CCDC141: variants seen among roughly 807,000 people sequenced by gnomAD.
CCDC141 encodes the protein coiled-coil domain-containing protein 141.
CCDC141 carries 168 observed loss-of-function variants against 181.0 expected under a neutral mutation model. The ratio of observed to expected loss-of-function variants is 0.93; its 90% confidence interval spans 0.82 to 1.05. The LOEUF is 1.05. Among genes scored for constraint, CCDC141 ranks in the 50% least tolerant of loss-of-function variants. The probability of loss-of-function intolerance (pLI) is 0.00; values close to 1 mark genes in which losing one functional copy is unlikely to be tolerated. For synonymous variants in CCDC141, 666 were observed against 642.3 expected (o/e 1.04, Z -0.56); for missense variants, 1,902 against 1,788.5 (o/e 1.06, Z -1.14).
intron 2 of CCDC141, among the ~76,000 whole-genome samples, chr2:179,018,590 T>C (rs1281348443): frequency 2.6e-5 from 4 of 152,198 alleles, no homozygotes; most frequent in African/African-American, 9.6e-5. Context: ...CCTGTGAGCC[T>C]TCAAGTCCCA....
chr2:178,914,187 G>A (rs1004626802), intron 7 of CCDC141, among the ~76,000 whole-genome samples: 4 of 152,084 alleles, frequency 2.6e-5, no homozygotes, highest in African/African-American at 9.7e-5. Flanking sequence ...CATATTTCAT[G>A]CCATGTTCTC....
At position 178,830,868 on chromosome 2, in the gene CCDC141, G is replaced by C. The variant is rs1684220243; in HGVS notation, c.*3305C>G. 1 of 152,224 alleles carries C rather than the reference G, an allele frequency of 6.6e-6. No individual in the cohort carries two copies. Among genetic ancestry groups the C allele is most frequent in the Non-Finnish European group, 1.5e-5 (1 of 68,086 alleles). The allele number at this position is 152,224 out of a possible 1,614,324, so 9.4% of individuals were successfully genotyped here. A position where few individuals can be genotyped will look rare whatever the true frequency, so the allele number is the denominator to read the frequency against. On this transcript the variant is annotated 3_prime_UTR_variant, in exon 24 of 24. Coordinates refer to ENST00000443758, the MANE Select transcript of CCDC141 (RefSeq NM_173648.4). ...ATAGTAAGAGAGTTATAGGAAGAAA[G>C]GGCTGGAGAGAAGAGCATGATATGT... is the stretch of plus-strand genomic sequence containing the variant.
chr2:178,815,071 C>G, the CCDC141 span, among the ~76,000 whole-genome samples: 3 of 152,090 alleles, frequency 2.0e-5, no homozygotes, highest in Admixed American at 6.6e-5. Context: ...GCTCTGTTGG[C>G]ACTTTAATCT....
At chr2:178,929,090 C>T (rs989990765) in intron 6 of CCDC141, among the ~76,000 whole-genome samples, 4 of 152,136 alleles carry the variant, frequency 2.6e-5, no homozygotes, top group African/African-American at 9.7e-5. Flanking sequence ...GTGTCTTACT[C>T]TTTGGAGAAC....
chr2:178,989,603 A>ATAGAT (rs751550367), intron 2 of CCDC141, among the ~76,000 whole-genome samples: 1 of 108,018 alleles, frequency 9.3e-6, no homozygotes, highest in Non-Finnish European at 1.9e-5. Flanking sequence ...CAAAAAAAAA[A>ATAGAT]AAAAATAAAT....
At chr2:178,936,751 T>G (rs547784757) in intron 6 of CCDC141, among the ~76,000 whole-genome samples, 187 of 152,286 alleles carry the variant, frequency 1.2e-3, no homozygotes, top group African/African-American at 4.4e-3. Flanking sequence ...TCCATTTGTT[T>G]GTGTCTTCTG....
chr2:178,869,127 A>G lies in CCDC141; in HGVS notation c.2384T>C (p.Val795Ala). 6.3e-7 allele frequency: 1 copy of G among 1,581,068 alleles called. No individual in the cohort carries two copies. The highest frequency in any genetic ancestry group is 8.6e-7 in the Non-Finnish European group (1 of 1,168,300). ...CCTTCTAAGCCTTACCTCTTCCTTGACTTGATGGAACTGGACCACCTTGTA... is the reference window on the plus strand; with the variant it reads ...CCTTCTAAGCCTTACCTCTTCCTTGGCTTGATGGAACTGGACCACCTTGTA... ...ILYKVVQFHQ[V>A]KEELGRLIKS... The change falls in exon 15 of 24, where the codon GTC becomes GCC. Residue 795 changes from valine to alanine, a missense_variant. By Grantham distance (64) the Val-to-Ala change is moderately conservative. Coordinates refer to ENST00000443758, the MANE Select transcript of CCDC141 (RefSeq NM_173648.4).
intron 12 of CCDC141, among the ~76,000 whole-genome samples, 194 bp from the exon 13 acceptor site, chr2:178,872,506 C>CG (rs1558944463): frequency 6.6e-6 from 1 of 152,114 alleles, no homozygotes; most frequent in Non-Finnish European, 1.5e-5. Flanking sequence ...CTTAGACATC[C>CG]GGTCCCGAGT....
intron 4 of CCDC141, among the ~76,000 whole-genome samples, chr2:178,963,592 T>C (rs1180257983): frequency 6.6e-6 from 1 of 152,132 alleles, no homozygotes; most frequent in Non-Finnish European, 1.5e-5. Context: ...CATTATAACT[T>C]TTGGCAGTTT....
rs200641473 is a variant in CCDC141 at position 178,854,396 on chromosome 2, C to T, written c.3061-772G>A. ...AAAAGTAGCCGGGCGTGGTGGTGGG[C>T]GCCTGTAGTCCCAGCTACTCGGGAG... On this transcript the variant is annotated intron_variant, in intron 19 of 23. Coordinates refer to ENST00000443758, the MANE Select transcript of CCDC141 (RefSeq NM_173648.4). Among the ~76,000 whole-genome samples, 9 of 152,034 alleles carry T rather than the reference C, an allele frequency of 5.9e-5. No individual in the cohort carries two copies. The East Asian group carries it at 1.4e-3, about 23-fold the overall frequency.
In CCDC141 at chr2:178,997,535, C is replaced by G. The variant is rs1217203814; in HGVS notation, c.226-18860G>C. 2.6e-5 allele frequency among the ~76,000 whole-genome samples: 4 copies of G among 152,090 alleles called. No individual in the cohort carries two copies. The South Asian group carries it at 6.3e-4, about 24-fold the overall frequency. On this transcript the variant is annotated intron_variant, in intron 2 of 23. Coordinates refer to ENST00000443758, the MANE Select transcript of CCDC141 (RefSeq NM_173648.4). ...AAGGAGACACAGAGGCCTAAGTTGT[C>G]TCACTCACATTTACAGCTCCAGCAC...
chr2:179,002,008 AG>A (rs1446038000), intron 2 of CCDC141: 1 of 159,394 alleles, frequency 6.3e-6, no homozygotes, highest in African/African-American at 2.4e-5. Flanking sequence ...TAGTAGAGAC[AG>A]GGTTTCGGCA....
At chr2:178,926,063 A>T (rs1264316418) in intron 6 of CCDC141, among the ~76,000 whole-genome samples, 1 of 152,124 alleles carries the variant, frequency 6.6e-6, no homozygotes, top group Non-Finnish European at 1.5e-5. Context: ...ATTGGCTGTT[A>T]TTATCTCCTG....
rs3045637 is a variant in CCDC141 at position 178,885,244 on chromosome 2, TA to T, written c.1528-153del. Among the ~76,000 whole-genome samples the T allele has an allele frequency of 7.0e-3, 963 of 137,006 alleles. 5 individuals carry two copies. The highest frequency in any genetic ancestry group is 8.4e-3 in the Non-Finnish European group (527 of 62,400). The allele number at this position is 137,006 out of a possible 152,430, so 89.9% of individuals were successfully genotyped here. A position where few individuals can be genotyped will look rare whatever the true frequency, so the allele number is the denominator to read the frequency against. ...AAGAAAGACACAACTTCCAAAATTC[TA>T]AAAAAAAAAAAAAGGGCACTTTAGA... On this transcript the variant is annotated intron_variant, in intron 10 of 23. Transcript: ENST00000443758.
chr2:178,920,852 T>C (rs1208806600), intron 6 of CCDC141, among the ~76,000 whole-genome samples: 1 of 152,194 alleles, frequency 6.6e-6, no homozygotes, highest in Non-Finnish European at 1.5e-5. Flanking sequence ...TTTTGATCAA[T>C]GAATACAGGA....
intron 2 of CCDC141, among the ~76,000 whole-genome samples, chr2:178,990,265 A>C (rs1019952641): frequency 2.6e-5 from 4 of 151,998 alleles, no homozygotes; most frequent in African/African-American, 9.7e-5. Flanking sequence ...TAAAAAAAAA[A>C]ACATGTTGGC....
chr2:178,860,993 AACATTTTAACCTT>A (rs1685589544), intron 17 of CCDC141, among the ~76,000 whole-genome samples: 1 of 152,192 alleles, frequency 6.6e-6, no homozygotes, highest in Non-Finnish European at 1.5e-5. Flanking sequence ...CCAAAATGTT[AACATTTTAACCTT>A]ATGGAATGGA....
At chr2:179,021,771 T>C (rs534470708) in intron 2 of CCDC141, among the ~76,000 whole-genome samples, 2 of 152,308 alleles carry the variant, frequency 1.3e-5, no homozygotes, top group Non-Finnish European at 2.9e-5. Flanking sequence ...TAGAACCATT[T>C]ATTAAAGGAC....
chr2:178,929,661 T>G (rs575626821), intron 6 of CCDC141, among the ~76,000 whole-genome samples: 2 of 152,268 alleles, frequency 1.3e-5, no homozygotes, highest in African/African-American at 4.8e-5. Flanking sequence ...TGGTCAAACA[T>G]GTCCACACCT....
Sources: allele counts gnomAD v4.1 joint callset (sites outside exome capture counted in the v4.1 genomes callset), GRCh38; gene constraint gnomAD v4.1.1; transcripts MANE v1.5; gene names NCBI Gene and HGNC (gene_info 2026-07-23, HGNC 2026-07-21).